IQGAP2: variants seen among roughly 807,000 people sequenced by gnomAD.
IQGAP2 encodes the protein IQ motif containing GTPase activating protein 2, also known as ras GTPase-activating-like protein IQGAP2.
IQGAP2 carries 173 observed loss-of-function variants against 201.3 expected under a neutral mutation model. The observed-to-expected ratio is 0.86, with a 90% confidence interval of 0.76 to 0.98. IQGAP2 has a LOEUF of 0.98. Among genes scored for constraint, IQGAP2 ranks in the 50% least tolerant of loss-of-function variants. The pLI is 0.00. For synonymous variants in IQGAP2, 675 were observed against 673.9 expected (o/e 1.00, Z -0.03); for missense variants, 1,687 against 1,864.8 (o/e 0.90, Z 1.76).
intron 2 of IQGAP2, among the ~76,000 whole-genome samples, chr5:76,463,103 G>A (rs1167751770): frequency 7.1e-6 from 1 of 140,902 alleles, no homozygotes; most frequent in Non-Finnish European, 1.5e-5. Flanking sequence ...AGCCTGGGTG[G>A]CAGAGTGAGA....
At chr5:76,671,640 A>G in intron 23 of IQGAP2, 119 bp from the exon 24 acceptor site, 2 of 689,524 alleles carry the variant, frequency 2.9e-6, no homozygotes, top group East Asian at 5.6e-5. Context: ...GTGAACCAAG[A>G]TCACACCACT....
At chr5:76,666,325 C>G (rs1418197977) in intron 22 of IQGAP2, among the ~76,000 whole-genome samples, 1 of 152,220 alleles carries the variant, frequency 6.6e-6, no homozygotes, top group African/African-American at 2.4e-5. Context: ...GGACTTTGGT[C>G]TGCCTAATTT....
intron 1 of IQGAP2, among the ~76,000 whole-genome samples, chr5:76,461,099 G>C (rs1022399017): frequency 2.0e-5 from 3 of 151,774 alleles, no homozygotes; most frequent in African/African-American, 7.3e-5. Context: ...AGGATGGTCT[G>C]GATCTCCTGA....
At chr5:76,411,473 G>T (rs867104493) in intron 1 of IQGAP2, among the ~76,000 whole-genome samples, 1 of 152,194 alleles carries the variant, frequency 6.6e-6, no homozygotes, top group Non-Finnish European at 1.5e-5. Flanking sequence ...GTGTTGGAAC[G>T]TAGTCCCCCA....
rs190517380 is a variant in IQGAP2 at position 76,545,346 on chromosome 5, C to T, written c.147-17050C>T. ...CCAGTTTCCACTACAATTTTAAAAC[C>T]ATGCCTAGCCTTGCCAAAGGACCTC... On this transcript the variant is annotated intron_variant, in intron 2 of 35. Transcript: ENST00000274364. 5.9e-4 allele frequency among the ~76,000 whole-genome samples: 90 copies of T among 152,262 alleles called. 1 individual carries two copies. Among genetic ancestry groups the T allele is most frequent in the African/African-American group, 1.9e-3 (79 of 41,556 alleles).
intron 10 of IQGAP2, among the ~76,000 whole-genome samples, chr5:76,600,574 A>T (rs1747361020): frequency 6.6e-6 from 1 of 152,210 alleles, no homozygotes; most frequent in Non-Finnish European, 1.5e-5. Flanking sequence ...ATATTTGTGG[A>T]ATCGTAACTT....
At chr5:76,421,163 T>C (rs1029276280) in intron 1 of IQGAP2, among the ~76,000 whole-genome samples, 1 of 152,080 alleles carries the variant, frequency 6.6e-6, no homozygotes, top group African/African-American at 2.4e-5. Flanking sequence ...TTTAATGGAG[T>C]GAATTGAAGA....
rs1397729527 is a variant in IQGAP2, at chr5:76,590,473, A to T, written c.706A>T (p.Thr236Ser). ...EKGIAEQTVV[T>S]LRNPNAVLTL... ...AGGAATAGCAGAGCAAACCGTTGTA[A>T]CACTAAGAAACCCAAATGCGGTTTT... Residue 236 changes from threonine to serine, a missense_variant, in exon 8 of 36, where the codon ACA (threonine) becomes TCA (serine). Coordinates refer to ENST00000274364, the MANE Select transcript of IQGAP2 (RefSeq NM_006633.5). 1.9e-6 allele frequency: 3 copies of T among 1,614,016 alleles called. No individual in the cohort carries two copies. The highest frequency in any genetic ancestry group is 1.7e-5 in the Admixed American group (1 of 60,020).
At chr5:76,465,645 G>A (rs1754732144) in intron 2 of IQGAP2, among the ~76,000 whole-genome samples, 1 of 152,100 alleles carries the variant, frequency 6.6e-6, no homozygotes, top group Non-Finnish European at 1.5e-5. Flanking sequence ...CTAAAAAACA[G>A]AACAGAAGAA....
intron 2 of IQGAP2, among the ~76,000 whole-genome samples, chr5:76,497,487 C>T (rs907034369): frequency 6.6e-6 from 1 of 152,200 alleles, no homozygotes; most frequent in African/African-American, 2.4e-5. Flanking sequence ...GTGAAGATAA[C>T]CATTGCTTTG....
rs538607375 is a variant in IQGAP2 at position 76,667,095 on chromosome 5, T to TG, written c.2680-1580dup. ...GCCGCAGTCAGCTAGTATAGGTTTT[T>TG]GGGGGGTTTGTCTCTTCAGTATGAA... is the stretch of plus-strand genomic sequence containing the variant. On this transcript the variant is annotated intron_variant, in intron 22 of 35. Coordinates refer to ENST00000274364, the MANE Select transcript of IQGAP2 (RefSeq NM_006633.5). 1.2e-3 allele frequency among the ~76,000 whole-genome samples: 188 copies of TG among 152,250 alleles called. 2 individuals carry two copies. The Middle Eastern group carries it at 0.017, about 14-fold the overall frequency.
intron 21 of IQGAP2, 62 bp from the exon 22 acceptor site, chr5:76,664,964 T>A: frequency 1.1e-6 from 1 of 930,748 alleles, no homozygotes; most frequent in Non-Finnish European, 1.7e-6. Flanking sequence ...ATCCTATATG[T>A]GAAGGGAGGA....
At chr5:76,614,904 G>A (rs1748789883) in intron 13 of IQGAP2, among the ~76,000 whole-genome samples, 1 of 152,152 alleles carries the variant, frequency 6.6e-6, no homozygotes, top group Non-Finnish European at 1.5e-5. Flanking sequence ...AAAGGCTACA[G>A]CCATTAAAGG....
chr5:76,537,910 A>G (rs1247636909), intron 2 of IQGAP2, among the ~76,000 whole-genome samples: 3 of 152,214 alleles, frequency 2.0e-5, no homozygotes, highest in Non-Finnish European at 4.4e-5. Context: ...GGGTGCCACC[A>G]CTGCTTTGCA....
At chr5:76,487,624 C>G (rs779402169) in intron 2 of IQGAP2, among the ~76,000 whole-genome samples, 1 of 152,200 alleles carries the variant, frequency 6.6e-6, no homozygotes, top group Non-Finnish European at 1.5e-5. Context: ...CTTCACCACC[C>G]CTCCAGGCAG....
intron 1 of IQGAP2, among the ~76,000 whole-genome samples, chr5:76,444,447 C>T (rs925837990): frequency 3.3e-5 from 5 of 152,044 alleles, no homozygotes; most frequent in African/African-American, 1.2e-4. Context: ...TACAGGTGCC[C>T]ACTACCACAC....
At chr5:76,585,458 G>C (rs1011778393) in intron 5 of IQGAP2, among the ~76,000 whole-genome samples, 1 of 151,786 alleles carries the variant, frequency 6.6e-6, no homozygotes, top group African/African-American at 2.4e-5. Context: ...AAATTGAAGT[G>C]ATACAATTAT....
At chr5:76,539,562 C>G (rs1477914529) in intron 2 of IQGAP2, among the ~76,000 whole-genome samples, 1 of 152,200 alleles carries the variant, frequency 6.6e-6, no homozygotes, top group Non-Finnish European at 1.5e-5. Context: ...CCTAGTGATT[C>G]TCTTGGAAGT....
intron 2 of IQGAP2, among the ~76,000 whole-genome samples, chr5:76,499,371 A>C (rs1757153981): frequency 6.6e-6 from 1 of 152,168 alleles, no homozygotes; most frequent in Non-Finnish European, 1.5e-5. Context: ...TAGCAGATTT[A>C]TTCTTAAGCA....
Sources: allele counts gnomAD v4.1 joint callset (sites outside exome capture counted in the v4.1 genomes callset), GRCh38; gene constraint gnomAD v4.1.1; transcripts MANE v1.5; gene names NCBI Gene and HGNC (gene_info 2026-07-23, HGNC 2026-07-21).